Variants in PTPRG observed in about 807,000 individuals in gnomAD.
The protein encoded by PTPRG is protein tyrosine phosphatase receptor type G.
In PTPRG, 102 loss-of-function variants were observed where a neutral mutation model predicts 165.3. The ratio of observed to expected loss-of-function variants is 0.62; its 90% CI spans 0.53 to 0.73. The LOEUF (loss-of-function observed/expected upper bound fraction) is 0.73. Among genes scored for constraint, PTPRG ranks in the 30% least tolerant of loss-of-function variants. The pLI is 0.00. For missense variants in PTPRG, 1,866 were observed against 1,861.4 expected (o/e 1.00, Z -0.05); for synonymous variants, 675 against 669.5 (o/e 1.01, Z -0.13).
Position 62,224,734 on chromosome 3 carries a change from C to G in PTPRG, c.2288+5751C>G, listed in dbSNP as rs1326863769. ...TCTGAGAGACCTCAGACATCAGTCTCATCGGGGACTATTTGAGCAGTGTTT... is the reference window on the plus strand; with the variant it reads ...TCTGAGAGACCTCAGACATCAGTCTGATCGGGGACTATTTGAGCAGTGTTT... On this transcript the variant is annotated intron_variant, in intron 13 of 29. Transcript: ENST00000474889. This position sits in a 1 kb window ranked among gnomAD's most constrained non-coding sequence, Gnocchi z 4.9. Among the ~76,000 whole-genome samples, 4 of 152,188 alleles carry G rather than the reference C, an allele frequency of 2.6e-5. No homozygotes were observed. Among genetic ancestry groups the G allele is most frequent in the Admixed American group, 2.6e-4 (4 of 15,284 alleles).
At chr3:62,036,597 G>T (rs1699947243) in intron 4 of PTPRG, among the ~76,000 whole-genome samples, 1 of 152,112 alleles carries the variant, frequency 6.6e-6, no homozygotes, top group African/African-American at 2.4e-5. Flanking sequence ...CACATTTATT[G>T]GTGTTTAGTA....
At chr3:61,974,094 A>G (rs1014886953) in intron 2 of PTPRG, among the ~76,000 whole-genome samples, 11 of 152,108 alleles carry the variant, frequency 7.2e-5, no homozygotes, top group Non-Finnish European at 2.9e-5. Context: ...TAAACAAGTT[A>G]CTGTGATGCC....
In PTPRG at chr3:61,843,357, A is replaced by G. The variant is rs1477496492; in HGVS notation, c.190+94375A>G. Among the ~76,000 whole-genome samples the G allele has an allele frequency of 2.0e-5, 3 of 152,220 alleles. No homozygotes were observed. The East Asian group carries it at 5.8e-4, about 29-fold the overall frequency. Reference sequence around the variant, plus strand: ...AGATTATTATATTGTATATATACACACACATGTATATCACACACATACATA... The same window carrying G: ...AGATTATTATATTGTATATATACACGCACATGTATATCACACACATACATA... On this transcript the variant is annotated intron_variant, in intron 2 of 29. Coordinates refer to ENST00000474889, the MANE Select transcript of PTPRG (RefSeq NM_002841.4).
At chr3:62,041,196 C>T (rs888254781) in intron 4 of PTPRG, among the ~76,000 whole-genome samples, 2 of 152,170 alleles carry the variant, frequency 1.3e-5, no homozygotes, top group African/African-American at 2.4e-5. Flanking sequence ...TTTACATTTA[C>T]TCTATTTTGT....
chr3:61,629,605 C>T (rs576461379), intron 1 of PTPRG, among the ~76,000 whole-genome samples: 8 of 152,324 alleles, frequency 5.3e-5, no homozygotes, highest in Admixed American at 2.0e-4. Flanking sequence ...AAAGTCTCCA[C>T]GGTGTAGTAG....
Position 62,245,641 on chromosome 3 carries a change from G to A in PTPRG, c.2467+1743G>A, listed in dbSNP as rs796148174. Among the ~76,000 whole-genome samples, 7 of 152,162 alleles carry A rather than the reference G, an allele frequency of 4.6e-5. No homozygotes were observed. The highest frequency in any genetic ancestry group is 1.4e-4 in the African/African-American group (6 of 41,534). ...CCAGAATCTGTAAATTAATTAGGATGCCTATTCTCCTTGCCTTTTGAGGTA... is the reference window on the plus strand; with the variant it reads ...CCAGAATCTGTAAATTAATTAGGATACCTATTCTCCTTGCCTTTTGAGGTA... On this transcript the variant is annotated intron_variant, in intron 15 of 29. Transcript: ENST00000474889. The surrounding 1 kb of genome is among the most constrained non-coding windows in gnomAD (Gnocchi z 4.2).
chr3:61,873,482 G>C (rs2037640531), intron 2 of PTPRG, among the ~76,000 whole-genome samples: 1 of 152,120 alleles, frequency 6.6e-6, no homozygotes, highest in South Asian at 2.1e-4. Flanking sequence ...TTTAACTATA[G>C]TAGTGACTGT....
In PTPRG at chr3:61,586,255, T is replaced by TA. The variant is rs879422992; in HGVS notation, c.85+23895dup. 5.5e-3 allele frequency among the ~76,000 whole-genome samples: 767 copies of TA among 138,622 alleles called. 1 individual carries two copies. The highest frequency in any genetic ancestry group is 0.011 in the Middle Eastern group (3 of 276). 90.9% of individuals were successfully genotyped at this position (138,622 alleles called of 152,430 possible). A position where few individuals can be genotyped will look rare whatever the true frequency, so the allele number is the denominator to read the frequency against. ...GAAGGACAAGTTCTTCAGTGGGAAA[T>TA]AAAAAAAAAAAAGGTGGTTGTCTTG... On this transcript the variant is annotated intron_variant, in intron 1 of 29. Coordinates refer to ENST00000474889, the MANE Select transcript of PTPRG (RefSeq NM_002841.4).
At chr3:61,752,308 G>C (rs1183272461) in intron 2 of PTPRG, among the ~76,000 whole-genome samples, 1 of 152,092 alleles carries the variant, frequency 6.6e-6, no homozygotes, top group African/African-American at 2.4e-5. Context: ...AATTCTGCTG[G>C]AACACAAGCA....
chr3:62,257,183 T>C (rs1439382488), intron 16 of PTPRG, among the ~76,000 whole-genome samples: 1 of 152,160 alleles, frequency 6.6e-6, no homozygotes, highest in Non-Finnish European at 1.5e-5. Flanking sequence ...AGCTCACCAA[T>C]ACTACTGTCA....
chr3:62,081,696 A>G (rs1314337124), intron 5 of PTPRG, among the ~76,000 whole-genome samples: 4 of 152,072 alleles, frequency 2.6e-5, no homozygotes, highest in Non-Finnish European at 4.4e-5. Context: ...AATTCTCACT[A>G]TGTCATGCAA....
chr3:61,862,380 C>CTT (rs5849448), intron 2 of PTPRG, among the ~76,000 whole-genome samples: 20 of 125,322 alleles, frequency 1.6e-4, no homozygotes, highest in African/African-American at 4.1e-4. Context: ...ATTACTCAGA[C>CTT]TTTTTTTTTT....
intron 2 of PTPRG, among the ~76,000 whole-genome samples, chr3:61,879,783 A>G (rs1476639910): frequency 1.3e-5 from 2 of 152,228 alleles, no homozygotes; most frequent in African/African-American, 4.8e-5. Flanking sequence ...GAGAGTGGAC[A>G]TTCTTGCTTT....
chr3:61,918,790 G>A (rs115026120), intron 2 of PTPRG, among the ~76,000 whole-genome samples: 10 of 152,068 alleles, frequency 6.6e-5, no homozygotes, highest in African/African-American at 9.7e-5. Context: ...ACCATTTCTC[G>A]CTACCTCTCT....
At chr3:61,953,758 CTG>C (rs916669260) in intron 2 of PTPRG, among the ~76,000 whole-genome samples, 1 of 152,250 alleles carries the variant, frequency 6.6e-6, no homozygotes. Flanking sequence ...AAACTACACT[CTG>C]TGAGGGCCAG....
intron 2 of PTPRG, among the ~76,000 whole-genome samples, chr3:61,766,414 A>G (rs2034016997): frequency 6.6e-6 from 1 of 152,092 alleles, no homozygotes; most frequent in African/African-American, 2.4e-5. Context: ...TTATTTTTGG[A>G]GATAATTTTT....
At chr3:62,070,145 GA>G (rs1701162852) in intron 4 of PTPRG, among the ~76,000 whole-genome samples, 1 of 152,008 alleles carries the variant, frequency 6.6e-6, no homozygotes, top group South Asian at 2.1e-4. Flanking sequence ...TTCTTTTGTT[GA>G]AGTATTAAAA....
intron 5 of PTPRG, among the ~76,000 whole-genome samples, chr3:62,082,185 T>C (rs1479373323): frequency 6.6e-6 from 1 of 152,260 alleles, no homozygotes; most frequent in Non-Finnish European, 1.5e-5. Context: ...CTTCATGTAC[T>C]AGAATAATTT....
intron 4 of PTPRG, among the ~76,000 whole-genome samples, chr3:62,026,533 G>C (rs149543704): frequency 6.6e-6 from 1 of 152,244 alleles, no homozygotes; most frequent in East Asian, 1.9e-4. Flanking sequence ...CTGTACTGCT[G>C]CCTGCATGAC....
Sources: gnomAD v4.1 joint callset for allele counts (sites outside exome capture counted in the v4.1 genomes callset) on GRCh38, gnomAD v4.1.1 for gene constraint, Gnocchi (gnomAD v3.1) non-coding constraint, MANE v1.5 for transcripts, NCBI Gene and HGNC (gene_info 2026-07-23, HGNC 2026-07-21) for gene names.